The following HMCN1 variants were observed in gnomAD, a reference collection of about 807,000 sequenced individuals.
The protein encoded by HMCN1 is hemicentin 1.
Under a neutral mutation model 625.9 loss-of-function variants are expected in HMCN1, and 321 were observed. The ratio of observed to expected loss-of-function variants is 0.51; its 90% CI spans 0.47 to 0.56. The LOEUF is 0.56. HMCN1 is among the 20% of genes least tolerant of loss of function. The pLI is 0.00. For synonymous variants in HMCN1, 2,425 were observed against 2,417.6 expected (o/e 1.00, Z -0.09); for missense variants, 6,588 against 6,887.3 (o/e 0.96, Z 1.54).
chr1:186,105,314 T>G (rs766377952), intron 69 of HMCN1, among the ~76,000 whole-genome samples: 23 of 152,238 alleles, frequency 1.5e-4, no homozygotes, highest in Non-Finnish European at 2.2e-4. Flanking sequence ...ACTCTGCTCC[T>G]TTATGTTTTC....
chr1:186,158,439 A>G (rs1308620666), intron 97 of HMCN1, among the ~76,000 whole-genome samples: 1 of 152,152 alleles, frequency 6.6e-6, no homozygotes, highest in Non-Finnish European at 1.5e-5. Flanking sequence ...CTTTAGCTTA[A>G]TTAGATCCCA....
At position 185,788,808 on chromosome 1, in the gene HMCN1, A is replaced by T. The variant is rs1029545295; in HGVS notation, c.268+53761A>T. Among the ~76,000 whole-genome samples the T allele has an allele frequency of 3.9e-5, 6 of 152,202 alleles. No individual in the cohort carries two copies. In the South Asian group the frequency reaches 1.2e-3, roughly 32 times the overall value. The stretch of plus-strand genomic sequence containing the variant: ...TAATGGATTTTTTTTTCAAAATTAT[A>T]TTCAGAAAGAAGAGTTTAATTTATT... On this transcript the variant is annotated intron_variant, in intron 1 of 106. Coordinates refer to ENST00000271588, the MANE Select transcript of HMCN1 (RefSeq NM_031935.3).
At chr1:186,188,107 AG>A (rs1382664351) in intron 106 of HMCN1, 98 bp downstream of exon 106, 2 of 1,389,294 alleles carry the variant, frequency 1.4e-6, no homozygotes, top group African/African-American at 1.4e-5. Context: ...TGTAACTCAC[AG>A]GAAGTCACTA....
Position 185,927,628 on chromosome 1 carries a change from C to T in HMCN1, c.1431-918C>T, listed in dbSNP as rs147097360. On this transcript the variant is annotated intron_variant, in intron 9 of 106. Coordinates refer to ENST00000271588, the MANE Select transcript of HMCN1 (RefSeq NM_031935.3). ...AAGTATGGTGTGTTTGGATGGGGAG[C>T]GATCTAGAGATATCACCATAAGGTA... Among the ~76,000 whole-genome samples the T allele has an allele frequency of 8.5e-5, 13 of 152,184 alleles. No individual in the cohort carries two copies. The East Asian group carries it at 2.1e-3, about 25-fold the overall frequency.
intron 4 of HMCN1, among the ~76,000 whole-genome samples, chr1:185,885,209 C>A (rs1245300988): frequency 1.3e-5 from 2 of 151,328 alleles, no homozygotes; most frequent in Non-Finnish European, 1.5e-5. Context: ...ATTCATTATT[C>A]TTAAGAATGA....
At chr1:185,879,546 CATTT>C (rs1265044439) in intron 4 of HMCN1, among the ~76,000 whole-genome samples, 1 of 152,092 alleles carries the variant, frequency 6.6e-6, no homozygotes, top group Non-Finnish European at 1.5e-5. Context: ...CTCATTCACT[CATTT>C]ATTTATTTAT....
chr1:186,080,480 T>C (rs1010106630), intron 55 of HMCN1, among the ~76,000 whole-genome samples: 1 of 152,226 alleles, frequency 6.6e-6, no homozygotes, highest in Non-Finnish European at 1.5e-5. Flanking sequence ...TGATTTTTCA[T>C]AACTAATGTG....
At chr1:186,162,728 GT>G (rs1651588777) in intron 97 of HMCN1, among the ~76,000 whole-genome samples, 2 of 152,164 alleles carry the variant, frequency 1.3e-5, no homozygotes, top group African/African-American at 2.4e-5. Context: ...CAGAACAGGG[GT>G]TTTTCGTGAA....
chr1:186,029,213 A>AT (rs539790542), intron 36 of HMCN1, among the ~76,000 whole-genome samples: 4 of 151,858 alleles, frequency 2.6e-5, no homozygotes, highest in Admixed American at 1.3e-4. Flanking sequence ...CAATTGGCTT[A>AT]TTTTTTTTCA....
At chr1:186,140,777 T>C (rs190991118) in intron 89 of HMCN1, among the ~76,000 whole-genome samples, 100 of 152,274 alleles carry the variant, frequency 6.6e-4, no homozygotes, top group African/African-American at 2.2e-3. Flanking sequence ...TCAAGAACTT[T>C]CTCATTTCTT....
intron 15 of HMCN1, among the ~76,000 whole-genome samples, chr1:185,971,760 C>G (rs1240090635): frequency 6.6e-6 from 1 of 151,978 alleles, no homozygotes; most frequent in Non-Finnish European, 1.5e-5. Flanking sequence ...CTTTTATGAT[C>G]CCCTTGCCCC....
intron 1 of HMCN1, among the ~76,000 whole-genome samples, chr1:185,801,254 C>T (rs6425002): frequency 0.018 from 2,705 of 152,178 alleles, 82 homozygotes; most frequent in African/African-American, 0.063. Flanking sequence ...AGAAAGAAGT[C>T]GGTGGGCTAA....
Position 186,013,153 on chromosome 1 carries a change from A to G in HMCN1, c.4631-2006A>G, listed in dbSNP as rs559274987. ...TATTTGGTTTTTGCTTTAACTCTTT[A>G]CTCTGCTACTGTTGAGTAAAAGCCG... On this transcript the variant is annotated intron_variant, in intron 30 of 106. Coordinates refer to ENST00000271588, the MANE Select transcript of HMCN1 (RefSeq NM_031935.3). 4.6e-5 allele frequency among the ~76,000 whole-genome samples: 7 copies of G among 152,206 alleles called. No individual in the cohort carries two copies. The South Asian group carries it at 1.0e-3, about 23-fold the overall frequency.
At chr1:185,809,342 C>A (rs903987269) in intron 1 of HMCN1, among the ~76,000 whole-genome samples, 2 of 151,850 alleles carry the variant, frequency 1.3e-5, no homozygotes, top group South Asian at 4.2e-4. Context: ...AATATGTTTT[C>A]TTTGTCTCCA....
chr1:185,833,767 CTTAG>C (rs1661013296), intron 1 of HMCN1, among the ~76,000 whole-genome samples: 1 of 151,922 alleles, frequency 6.6e-6, no homozygotes, highest in African/African-American at 2.4e-5. Context: ...TTTTATATTA[CTTAG>C]TATTTTCTTT....
intron 1 of HMCN1, among the ~76,000 whole-genome samples, chr1:185,791,370 A>G (rs1657979194): frequency 2.6e-5 from 4 of 151,418 alleles, no homozygotes; most frequent in Admixed American, 2.0e-4. Flanking sequence ...ATGTTAATTG[A>G]CCATGAACAT....
chr1:186,007,789 C>T (rs868204256), intron 30 of HMCN1, among the ~76,000 whole-genome samples: 10 of 152,028 alleles, frequency 6.6e-5, no homozygotes, highest in Non-Finnish European at 1.5e-4. Context: ...TCTTATTTTC[C>T]GTAACATTAT....
intron 1 of HMCN1, among the ~76,000 whole-genome samples, chr1:185,817,917 C>T (rs566863589): frequency 6.6e-6 from 1 of 152,262 alleles, no homozygotes; most frequent in East Asian, 1.9e-4. Flanking sequence ...TTTACAGCTA[C>T]TATGCTTTCT....
chr1:186,140,249 C>T lies in HMCN1; in HGVS notation c.13924+2277C>T, dbSNP rs958623069. Reference sequence around the variant, plus strand: ...ACTCTTTTTCCCCCATTCCAAGATCCGATCCACGATCACACTTGTACTTAT... The same window carrying T: ...ACTCTTTTTCCCCCATTCCAAGATCTGATCCACGATCACACTTGTACTTAT... On this transcript the variant is annotated intron_variant, in intron 89 of 106. Transcript: ENST00000271588. Among the ~76,000 whole-genome samples the T allele has an allele frequency of 6.6e-5, 10 of 152,122 alleles. No individual in the cohort carries two copies. In the South Asian group the frequency reaches 8.3e-4, roughly 13 times the overall value.
Sources: gnomAD v4.1 joint callset for allele counts (sites outside exome capture counted in the v4.1 genomes callset) on GRCh38, gnomAD v4.1.1 for gene constraint, MANE v1.5 for transcripts, NCBI Gene and HGNC (gene_info 2026-07-23, HGNC 2026-07-21) for gene names.